BIN2: variants seen among roughly 807,000 people sequenced by gnomAD.
BIN2 encodes breast cancer associated protein BRAP1.
A neutral mutation model predicts 67.9 loss-of-function variants in BIN2; 43 were observed. That is an observed-to-expected ratio of 0.63 (90% CI 0.50 to 0.82). The LOEUF (loss-of-function observed/expected upper bound fraction) is 0.82. Ranked by LOEUF, BIN2 falls within the 40% of genes least tolerant of loss-of-function variation. The pLI, the probability that BIN2 is intolerant of heterozygous loss-of-function variation, is 0.00. For missense variants in BIN2, 581 were observed against 671.6 expected (o/e 0.87, Z 1.49); for synonymous variants, 244 against 246.8 (o/e 0.99, Z 0.11).
At chr12:51,309,371 C>T (rs753713541) in intron 2 of BIN2, among the ~76,000 whole-genome samples, 1 of 152,184 alleles carries the variant, frequency 6.6e-6, no homozygotes, top group Non-Finnish European at 1.5e-5. Context: ...AAACTAAGAG[C>T]CTTGAGGGCA....
At chr12:51,294,359 A>G (rs1246253940) in intron 9 of BIN2, among the ~76,000 whole-genome samples, 4 of 152,070 alleles carry the variant, frequency 2.6e-5, no homozygotes, top group African/African-American at 4.8e-5. Context: ...ACGAGGTCAG[A>G]AGTTCAAGAC....
intron 3 of BIN2, 27 bp from the exon 4 acceptor site, chr12:51,302,807 A>G (rs1363717799): frequency 4.5e-6 from 7 of 1,572,664 alleles, no homozygotes; most frequent in Non-Finnish European, 6.1e-6. Context: ...CAGTCCCACC[A>G]TCATGTTTCC....
At chr12:51,294,566 CA>C (rs112987316) in intron 9 of BIN2, among the ~76,000 whole-genome samples, 22,703 of 90,122 alleles carry the variant, frequency 0.25, 1,617 homozygotes, top group African/African-American at 0.32. Flanking sequence ...GACCCTGTCT[CA>C]AAAAAAAAAA....
intron 7 of BIN2, chr12:51,297,403 TA>T (rs34375896): frequency 0.056 from 12,526 of 222,166 alleles, 2 homozygotes; most frequent in South Asian, 0.075. Flanking sequence ...CCGTCTCTAC[TA>T]AAAAAAAAAA....
At chr12:51,290,012 C>T (rs1945340763) in intron 10 of BIN2, among the ~76,000 whole-genome samples, 2 of 151,992 alleles carry the variant, frequency 1.3e-5, no homozygotes, top group African/African-American at 4.8e-5. Flanking sequence ...CCTCCTGCCC[C>T]CACTAAAGAA....
upstream of BIN2, chr12:51,324,495 C>G: frequency 6.5e-7 from 1 of 1,530,122 alleles, no homozygotes; most frequent in Non-Finnish European, 8.7e-7. Flanking sequence ...GTGGGTTCCA[C>G]TCAGCGAGAG....
At chr12:51,301,762 G>A (rs916493014) in intron 5 of BIN2, among the ~76,000 whole-genome samples, 17 of 151,742 alleles carry the variant, frequency 1.1e-4, no homozygotes, top group African/African-American at 4.1e-4. Context: ...CTCTTGCATC[G>A]GCCTCCCAAA....
At chr12:51,288,251 G>T in intron 10 of BIN2, 63 bp from the exon 11 acceptor site, 2 of 1,403,280 alleles carry the variant, frequency 1.4e-6, no homozygotes, top group Non-Finnish European at 2.0e-6. Context: ...GGCCATCCCT[G>T]TGCCCTTGGT....
chr12:51,295,460 G>A (rs1221497834), intron 9 of BIN2, among the ~76,000 whole-genome samples: 2 of 148,926 alleles, frequency 1.3e-5, no homozygotes, highest in Non-Finnish European at 3.0e-5. Flanking sequence ...CTACTCAGGA[G>A]GCTGAGGCAG....
chr12:51,287,787 G>C (rs978426867), intron 11 of BIN2, among the ~76,000 whole-genome samples: 10 of 152,046 alleles, frequency 6.6e-5, no homozygotes, highest in Admixed American at 5.9e-4. Context: ...GAGTAGCTGG[G>C]AATACAGGCA....
Position 51,324,044 on chromosome 12 carries a change from T to C in BIN2, c.59A>G (p.Lys20Arg), listed in dbSNP as rs1228885615. Reference protein sequence around the residue: ...AGLFAKQVQKKFSRAQEKVLQ... With the variant: ...AGLFAKQVQKRFSRAQEKVLQ... ...TACCTTCTCCTGGGCCCTGCTAAAC[T>C]TCTTCTGCACCTGCTTGGCGAAGAG... The change falls in exon 1 of 13, where the codon AAG becomes AGG. Residue 20 changes from lysine to arginine, a missense_variant. Transcript: ENST00000615107. The C allele has an allele frequency of 6.2e-7, 1 of 1,613,520 alleles. No individual in the cohort carries two copies. Among genetic ancestry groups the C allele is most frequent in the South Asian group, 1.1e-5 (1 of 91,072 alleles).
chr12:51,290,849 T>C (rs9795598), intron 10 of BIN2, among the ~76,000 whole-genome samples: 119,044 of 151,762 alleles, frequency 0.78, 47,826 homozygotes, highest in South Asian at 0.88. Flanking sequence ...AGGAAAATGG[T>C]GTGAACCCGG....
chr12:51,293,950 T>C (rs1205440554), intron 9 of BIN2, among the ~76,000 whole-genome samples: 1 of 152,184 alleles, frequency 6.6e-6, no homozygotes, highest in Non-Finnish European at 1.5e-5. Context: ...AGAAGCCCCA[T>C]GACAGACCTT....
intron 7 of BIN2, 104 bp downstream of exon 7, chr12:51,299,099 C>A: frequency 2.7e-6 from 2 of 750,418 alleles, no homozygotes; most frequent in Admixed American, 2.5e-5. Context: ...GGGGGCGGGG[C>A]AGTGTGGGAA....
intron 1 of BIN2, among the ~76,000 whole-genome samples, chr12:51,316,315 T>C (rs1946128860): frequency 1.5e-5 from 2 of 136,294 alleles, no homozygotes; most frequent in African/African-American, 5.7e-5. Context: ...AAACCCCGTC[T>C]CTACTAAAAA....
chr12:51,319,952 T>TCTCTCTCC lies in BIN2; in HGVS notation c.81+4069_81+4070insGGAGAGAG, dbSNP rs1565692616. Among the ~76,000 whole-genome samples the TCTCTCTCC allele has an allele frequency of 2.7e-4, 38 of 143,252 alleles. 1 individual carries two copies. The East Asian group carries it at 6.6e-3, about 25-fold the overall frequency. The allele number at this position is 143,252 out of a possible 152,430, so 94.0% of individuals were successfully genotyped here. A position where few individuals can be genotyped will look rare whatever the true frequency, so the allele number is the denominator to read the frequency against. ...AATTTTTGTGGTTATGTAGGAAATC[T>TCTCTCTCC]TTCTCTTTCCTTCCTTCCTTCCTTT... On this transcript the variant is annotated intron_variant, in intron 1 of 12. Coordinates refer to ENST00000615107, the MANE Select transcript of BIN2 (RefSeq NM_016293.4).
chr12:51,320,496 G>C (rs951774000), intron 1 of BIN2, among the ~76,000 whole-genome samples: 4 of 152,010 alleles, frequency 2.6e-5, no homozygotes, highest in Middle Eastern at 3.2e-3. Context: ...CTCTGATCAC[G>C]TGTCTGAAAA....
At chr12:51,303,006 G>A (rs1945770617) in intron 3 of BIN2, 81 bp downstream of exon 3, 17 of 1,470,382 alleles carry the variant, frequency 1.2e-5, no homozygotes, top group Non-Finnish European at 1.4e-5. Flanking sequence ...AAAACCTGGG[G>A]GTATGGCTAT....
intron 7 of BIN2, 152 bp from the exon 8 acceptor site, chr12:51,297,316 C>G (rs914127839): frequency 1.5e-6 from 1 of 656,182 alleles, no homozygotes; most frequent in African/African-American, 1.8e-5. Flanking sequence ...CGCCTGTAAT[C>G]CCAGCACTTT....
Sources: allele counts gnomAD v4.1 joint callset (sites outside exome capture counted in the v4.1 genomes callset), GRCh38; gene constraint gnomAD v4.1.1; transcripts MANE v1.5; gene names NCBI Gene and HGNC (gene_info 2026-07-23, HGNC 2026-07-21).